The following PHACTR4 variants were observed in gnomAD, a reference collection of about 807,000 sequenced individuals.
PHACTR4 encodes protein phosphatase 1, regulatory subunit 124.
In PHACTR4, 51 loss-of-function variants were observed where a neutral mutation model predicts 72.7. The ratio of observed to expected loss-of-function variants is 0.70; its 90% CI spans 0.56 to 0.89. The LOEUF (loss-of-function observed/expected upper bound fraction) is 0.89. PHACTR4 is among the 40% of genes least tolerant of loss of function. PHACTR4 has a pLI of 0.00. For missense variants in PHACTR4, 731 were observed against 861.8 expected (o/e 0.85, Z 1.90); for synonymous variants, 255 against 302.5 (o/e 0.84, Z 1.63).
intron 1 of PHACTR4, among the ~76,000 whole-genome samples, chr1:28,402,130 G>A (rs1308829043): frequency 1.3e-5 from 2 of 152,168 alleles, no homozygotes; most frequent in Non-Finnish European, 2.9e-5. Flanking sequence ...AGTCAAGGAT[G>A]ACACCTTGTT....
intron 1 of PHACTR4, among the ~76,000 whole-genome samples, chr1:28,374,560 T>C (rs1206587199): frequency 6.6e-6 from 1 of 151,518 alleles, no homozygotes; most frequent in Non-Finnish European, 1.5e-5. Flanking sequence ...GGTAGTAGCC[T>C]GTTTGAAATC....
intron 3 of PHACTR4, 134 bp downstream of exon 3, chr1:28,459,392 CTTCTTT>C: frequency 2.5e-6 from 1 of 401,626 alleles, no homozygotes; most frequent in African/African-American, 2.3e-5. Flanking sequence ...TTCTTTCCTT[CTTCTTT>C]TTTTTTTTTT....
Position 28,465,722 on chromosome 1 carries a change from AAAGAATGGC to A in PHACTR4, c.310_318del (p.Lys104_Gly106del), listed in dbSNP as rs1286068458. 1 of 1,613,986 alleles carries A rather than the reference AAAGAATGGC, an allele frequency of 6.2e-7. No individual in the cohort carries two copies. The highest frequency in any genetic ancestry group is 8.5e-7 in the Non-Finnish European group (1 of 1,179,938). On this transcript the variant is annotated inframe_deletion, in exon 5 of 14. Coordinates refer to ENST00000373839, the MANE Select transcript of PHACTR4 (RefSeq NM_001048183.3). ...CAGGAAAGCCAAGCGATGCCATGTT[AAAGAATGGC>A]CATACCACCCCCATAGGGAATGCCA...
At chr1:28,377,788 G>T (rs1286296928) in intron 1 of PHACTR4, among the ~76,000 whole-genome samples, 1 of 150,050 alleles carries the variant, frequency 6.7e-6, no homozygotes, top group Non-Finnish European at 1.5e-5. Context: ...CCGTAATTGC[G>T]CCACTGCACT....
chr1:28,455,113 A>T (rs1658280315), intron 2 of PHACTR4, among the ~76,000 whole-genome samples: 1 of 148,610 alleles, frequency 6.7e-6, no homozygotes, highest in African/African-American at 2.5e-5. Flanking sequence ...CAAGTGATCC[A>T]CCTGTCTCGG....
chr1:28,403,894 A>G (rs1452962094), intron 1 of PHACTR4, among the ~76,000 whole-genome samples: 1 of 152,216 alleles, frequency 6.6e-6, no homozygotes, highest in African/African-American at 2.4e-5. Context: ...CCATGTTACA[A>G]CACGTATCAA....
chr1:28,388,666 A>G (rs577571666), intron 1 of PHACTR4, among the ~76,000 whole-genome samples: 2 of 152,342 alleles, frequency 1.3e-5, no homozygotes, highest in East Asian at 1.9e-4. Context: ...CCTGGCCAAC[A>G]TGGTGAAACC....
intron 2 of PHACTR4, among the ~76,000 whole-genome samples, chr1:28,419,635 C>T (rs1178383546): frequency 1.3e-5 from 2 of 152,008 alleles, no homozygotes; most frequent in African/African-American, 2.4e-5. Flanking sequence ...CAAATTATTA[C>T]CTTGATAGGT....
At chr1:28,459,017 G>T in intron 2 of PHACTR4, 68 bp from the exon 3 acceptor site, 1 of 1,406,830 alleles carries the variant, frequency 7.1e-7, no homozygotes. Context: ...GAGAGGGGAA[G>T]GGACATTTTA....
intron 1 of PHACTR4, among the ~76,000 whole-genome samples, chr1:28,391,474 C>G (rs1653026748): frequency 6.6e-6 from 1 of 151,156 alleles, no homozygotes; most frequent in African/African-American, 2.4e-5. Flanking sequence ...ATGGTGGTTA[C>G]CAGGAGCTGG....
At chr1:28,473,416 T>A (rs1024938966) in intron 6 of PHACTR4, 138 bp from the exon 7 acceptor site, 2 of 687,272 alleles carry the variant, frequency 2.9e-6, no homozygotes, top group Non-Finnish European at 5.1e-6. Context: ...ATAAAATATA[T>A]AGGGAATGGC....
rs1252838403 is a variant in PHACTR4, at chr1:28,474,045, C to G, written c.1315C>G (p.His439Asp). 1 of 1,614,210 alleles carries G rather than the reference C, an allele frequency of 6.2e-7. No homozygotes were observed. The highest frequency in any genetic ancestry group is 2.2e-5 in the East Asian group (1 of 44,884). ...LPMTPILEGS[H>D]RAHSLLFENS... is the part of the protein sequence containing the mutation. ...CATGACTCCTATTCTGGAGGGTTCT[C>G]ACAGAGCTCATTCGTTGCTTTTTGA... The change falls in exon 7 of 14, where the codon CAC (histidine) becomes GAC (aspartate). Residue 439 changes from histidine (H) to aspartate (D), a missense_variant. This residue lies in a region of PHACTR4 where 621 missense variants were observed against 676.6 expected (regional missense o/e 0.92). Coordinates refer to ENST00000373839, the MANE Select transcript of PHACTR4 (RefSeq NM_001048183.3).
At chr1:28,446,418 G>A (rs1018103595) in intron 2 of PHACTR4, among the ~76,000 whole-genome samples, 1 of 152,144 alleles carries the variant, frequency 6.6e-6, no homozygotes, top group South Asian at 2.1e-4. Context: ...GATTTCTCAC[G>A]AATGGTTTAA....
intron 2 of PHACTR4, among the ~76,000 whole-genome samples, chr1:28,426,136 G>A (rs1375215615): frequency 1.3e-5 from 2 of 150,846 alleles, no homozygotes; most frequent in African/African-American, 2.4e-5. Context: ...CGGGAGAATC[G>A]CTTGAACCCG....
At chr1:28,487,223 G>A (rs940822054) in intron 9 of PHACTR4, among the ~76,000 whole-genome samples, 5 of 151,674 alleles carry the variant, frequency 3.3e-5, no homozygotes, top group Admixed American at 2.0e-4. Flanking sequence ...AAACTTAGCC[G>A]GGCATGGTGG....
chr1:28,415,951 A>G (rs937484900), intron 2 of PHACTR4, among the ~76,000 whole-genome samples: 1 of 152,200 alleles, frequency 6.6e-6, no homozygotes, highest in Admixed American at 6.5e-5. Context: ...TGATGATGCT[A>G]TAAAGGAGTT....
At chr1:28,445,461 TTC>T (rs369051867) in intron 2 of PHACTR4, among the ~76,000 whole-genome samples, 72 of 149,712 alleles carry the variant, frequency 4.8e-4, no homozygotes, top group African/African-American at 1.7e-3. Flanking sequence ...GGAACTTTCC[TTC>T]TCTGTCTTTC....
At chr1:28,418,242 C>G (rs1278911547) in intron 2 of PHACTR4, among the ~76,000 whole-genome samples, 1 of 151,690 alleles carries the variant, frequency 6.6e-6, no homozygotes, top group Non-Finnish European at 1.5e-5. Context: ...GCAGGCAGAT[C>G]ACATGAGGTC....
intron 2 of PHACTR4, among the ~76,000 whole-genome samples, chr1:28,414,980 G>C (rs1262565549): frequency 6.6e-6 from 1 of 152,018 alleles, no homozygotes; most frequent in East Asian, 1.9e-4. Context: ...AAAAAATTAG[G>C]CTGGGCGCGG....
Sources: gnomAD v4.1 joint callset for allele counts (sites outside exome capture counted in the v4.1 genomes callset) on GRCh38, gnomAD v4.1.1 for gene constraint, gnomAD v4.1.1 regional missense constraint, MANE v1.5 for transcripts, NCBI Gene and HGNC (gene_info 2026-07-23, HGNC 2026-07-21) for gene names.